The following RGS3 variants were observed in gnomAD, a reference collection of about 807,000 sequenced individuals.
RGS3 encodes the protein regulator of G-protein signalling 3.
In RGS3, 80 loss-of-function variants were observed where a neutral mutation model predicts 132.6. The ratio of observed to expected loss-of-function variants is 0.60; its 90% CI spans 0.50 to 0.73. The LOEUF (loss-of-function observed/expected upper bound fraction) is 0.73, where lower values mean the gene tolerates loss of function less well. Ranked by LOEUF, RGS3 falls within the 30% of genes least tolerant of loss-of-function variation. RGS3 has a pLI of 0.00. For missense variants in RGS3, 1,382 were observed against 1,530.8 expected, an observed-to-expected ratio of 0.90 and a Z score of 1.62; for synonymous variants, 598 against 620.6, an observed-to-expected ratio of 0.96 and a Z score of 0.54.
intron 4 of RGS3, 85 bp from the exon 3 acceptor site, chr9:113,482,974 G>T: frequency 6.2e-7 from 1 of 1,607,206 alleles, no homozygotes; most frequent in Non-Finnish European, 8.5e-7. Context: ...CGTGTGGATG[G>T]ATATGTCTAT....
chr9:113,531,685 AT>A (rs1425693305), intron 18 of RGS3, among the ~76,000 whole-genome samples: 1 of 152,248 alleles, frequency 6.6e-6, no homozygotes, highest in Admixed American at 6.5e-5. Flanking sequence ...AGTTATACAA[AT>A]ATGGTAAGAT....
chr9:113,540,924 G>A (rs1219948913), intron 19 of RGS3, among the ~76,000 whole-genome samples: 1 of 152,216 alleles, frequency 6.6e-6, no homozygotes, highest in African/African-American at 2.4e-5. Context: ...GCATGCAAGA[G>A]GAGCTCTGAA....
intron 11 of RGS3, among the ~76,000 whole-genome samples, chr9:113,505,852 G>A (rs1301726361): frequency 3.9e-5 from 6 of 152,134 alleles, no homozygotes; most frequent in South Asian, 2.1e-4. Flanking sequence ...AAGCTGTTTT[G>A]TATCCTATCC....
intron 18 of RGS3, among the ~76,000 whole-genome samples, chr9:113,532,967 G>A (rs944724081): frequency 2.0e-5 from 3 of 152,226 alleles, no homozygotes; most frequent in African/African-American, 7.2e-5. Context: ...CAGTCTGCAA[G>A]AGGGAGCATT....
At chr9:113,476,015 G>C (rs1427191933) in intron 3 of RGS3, among the ~76,000 whole-genome samples, 1 of 149,534 alleles carries the variant, frequency 6.7e-6, no homozygotes, top group African/African-American at 2.5e-5. Flanking sequence ...ATGGTTCACT[G>C]TGGGCTCAAC....
At chr9:113,512,456 A>G (rs1443059143) in intron 14 of RGS3, among the ~76,000 whole-genome samples, 1 of 151,988 alleles carries the variant, frequency 6.6e-6, no homozygotes, top group East Asian at 1.9e-4. Context: ...CGCTGCCCCC[A>G]GATTTGTCTA....
exon 25 of RGS3, chr9:113,597,037 G>T: frequency 3.3e-6 from 4 of 1,226,336 alleles, no homozygotes; most frequent in Non-Finnish European, 4.6e-6. Flanking sequence ...GTGACGGAGG[G>T]GGCAAGCAAG....
chr9:113,547,717 A>C (rs943615333), intron 19 of RGS3, among the ~76,000 whole-genome samples: 2 of 152,218 alleles, frequency 1.3e-5, no homozygotes, highest in Non-Finnish European at 2.9e-5. Flanking sequence ...ACTGGTTTGC[A>C]GTCCTTTCAT....
At chr9:113,513,379 T>G (rs941530295) in intron 14 of RGS3, among the ~76,000 whole-genome samples, 4 of 152,102 alleles carry the variant, frequency 2.6e-5, no homozygotes, top group African/African-American at 9.7e-5. Flanking sequence ...TCCTTATGAT[T>G]AGAATGATTT....
At chr9:113,495,977 T>C in intron 8 of RGS3, 131 bp downstream of exon 6, 2 of 807,368 alleles carry the variant, frequency 2.5e-6, no homozygotes, top group Non-Finnish European at 4.4e-6. Context: ...AGGTGCCCTG[T>C]GGGGTGGCCT....
At position 113,507,480 on chromosome 9, in the gene RGS3, G is replaced by A. The variant is rs199928574; in HGVS notation, c.1279G>A (p.Val427Ile). ...TGAGCAGCGCCACAGCTGCCACCTG[G>A]TATGTGACAGCTCTGATGGGCTGCT... The change falls in exon 13 of 25, where the codon GTA (valine) becomes ATA (isoleucine). Residue 427 changes from valine to isoleucine, a missense_variant. Val to Ile is a conservative substitution (Grantham distance 29). Coordinates refer to ENST00000350696, the Ensembl canonical transcript of RGS3. This position sits in a 1 kb window ranked among gnomAD's most constrained non-coding sequence, Gnocchi z 5.0. 8.3e-5 allele frequency: 134 copies of A among 1,613,378 alleles called. 1 individual carries two copies. In the East Asian group the frequency reaches 2.6e-3, roughly 32 times the overall value.
chr9:113,564,889 G>A (rs1476550193), intron 19 of RGS3: 1 of 987,466 alleles, frequency 1.0e-6, no homozygotes, highest in African/African-American at 1.7e-5. Context: ...CTCCCACTGG[G>A]ACAGGAACAG....
chr9:113,446,874 T>G (rs1829111817), intron 1 of RGS3, among the ~76,000 whole-genome samples: 1 of 152,106 alleles, frequency 6.6e-6, no homozygotes, highest in South Asian at 2.1e-4. Context: ...AGGAAGGCAG[T>G]ATTTGGAAGG....
At chr9:113,580,811 C>T in intron 19 of RGS3, 1 of 985,782 alleles carries the variant, frequency 1.0e-6, no homozygotes, top group Non-Finnish European at 1.2e-6. Flanking sequence ...GGGTTTGTTG[C>T]TGCACTTTCC....
intron 3 of RGS3, chr9:113,462,204 A>C (rs1829491467): frequency 6.2e-7 from 1 of 1,603,352 alleles, no homozygotes; most frequent in South Asian, 1.1e-5. Flanking sequence ...GGGTGCAGGT[A>C]AGTCCATCTG....
At chr9:113,475,729 A>C (rs1259744288) in intron 3 of RGS3, among the ~76,000 whole-genome samples, 1 of 151,918 alleles carries the variant, frequency 6.6e-6, no homozygotes, top group Non-Finnish European at 1.5e-5. Flanking sequence ...TTTTAAAGGA[A>C]CAAGCAAATT....
intron 7 of RGS3, among the ~76,000 whole-genome samples, chr9:113,494,934 G>A (rs1021184679): frequency 1.3e-5 from 2 of 151,948 alleles, no homozygotes; most frequent in African/African-American, 4.8e-5. Flanking sequence ...GCAGTGCAGT[G>A]GTGCGATCTT....
At chr9:113,496,490 G>C (rs1830687395) in intron 8 of RGS3, among the ~76,000 whole-genome samples, 1 of 152,094 alleles carries the variant, frequency 6.6e-6, no homozygotes, top group Non-Finnish European at 1.5e-5. Context: ...TTTGTCCTGG[G>C]GTGGGTGGCT....
chr9:113,445,210 T>A (rs1829075939), intron 1 of RGS3, among the ~76,000 whole-genome samples: 1 of 152,130 alleles, frequency 6.6e-6, no homozygotes, highest in African/African-American at 2.4e-5. Context: ...TGTTTTTTGT[T>A]TTTTGAGACA....
Sources: allele counts gnomAD v4.1 joint callset (sites outside exome capture counted in the v4.1 genomes callset), GRCh38; gene constraint gnomAD v4.1.1; non-coding constraint Gnocchi (gnomAD v3.1); transcripts MANE v1.5; gene names NCBI Gene and HGNC (gene_info 2026-07-23, HGNC 2026-07-21).